CRACR2A: variants seen among roughly 807,000 people sequenced by gnomAD.
The protein encoded by CRACR2A is EF-hand calcium-binding domain-containing protein 4B.
In CRACR2A, 79 loss-of-function variants were observed where a neutral mutation model predicts 90.5. The observed-to-expected ratio is 0.87, with a 90% CI of 0.73 to 1.05. The LOEUF is 1.05. Among genes scored for constraint, CRACR2A ranks in the 50% least tolerant of loss-of-function variants. CRACR2A has a pLI of 0.00. For missense variants in CRACR2A, 823 were observed against 897.2 expected (o/e 0.92, Z 1.06); for synonymous variants, 338 against 356.7 (o/e 0.95, Z 0.59).
intron 4 of CRACR2A, among the ~76,000 whole-genome samples, chr12:3,696,033 C>T (rs1945734036): frequency 6.6e-6 from 1 of 152,212 alleles, no homozygotes; most frequent in African/African-American, 2.4e-5. Context: ...AAAAGAATAA[C>T]AGTACTTGGT....
At chr12:3,624,772 G>A (rs1944223911) in intron 17 of CRACR2A, among the ~76,000 whole-genome samples, 1 of 152,216 alleles carries the variant, frequency 6.6e-6, no homozygotes. Context: ...ATGAGAACTT[G>A]CTAGAAACAC....
intron 7 of CRACR2A, among the ~76,000 whole-genome samples, chr12:3,670,662 C>T (rs1321736973): frequency 1.3e-5 from 2 of 152,152 alleles, no homozygotes; most frequent in Non-Finnish European, 2.9e-5. Flanking sequence ...TAGTAGAAAA[C>T]ATCCGATGTT....
intron 8 of CRACR2A, among the ~76,000 whole-genome samples, chr12:3,657,866 C>T (rs900721989): frequency 6.6e-6 from 1 of 152,102 alleles, no homozygotes; most frequent in African/African-American, 2.4e-5. Flanking sequence ...TTGGAAGGTG[C>T]AAGTGATTAG....
intron 2 of CRACR2A, among the ~76,000 whole-genome samples, chr12:3,725,744 T>C (rs965428591): frequency 9.2e-5 from 14 of 152,226 alleles, no homozygotes; most frequent in South Asian, 4.1e-4. Context: ...CACATGATCC[T>C]GGATGGGAAA....
chr12:3,636,305 C>T (rs1359891635), intron 14 of CRACR2A, among the ~76,000 whole-genome samples: 3 of 152,236 alleles, frequency 2.0e-5, no homozygotes, highest in Non-Finnish European at 2.9e-5. Context: ...TTCAAACGAG[C>T]GTACCTTCTC....
intron 1 of CRACR2A, among the ~76,000 whole-genome samples, chr12:3,736,889 T>G: frequency 6.6e-6 from 1 of 152,140 alleles, no homozygotes. Flanking sequence ...GTAATAGCAG[T>G]CCCAGTGGAG....
At chr12:3,663,371 T>C (rs992059792) in intron 7 of CRACR2A, among the ~76,000 whole-genome samples, 2 of 152,156 alleles carry the variant, frequency 1.3e-5, no homozygotes, top group Admixed American at 1.3e-4. Context: ...TTACCCAGAC[T>C]AGGTTAGAAT....
At chr12:3,716,260 C>T (rs1161753114) in intron 2 of CRACR2A, among the ~76,000 whole-genome samples, 4 of 152,158 alleles carry the variant, frequency 2.6e-5, no homozygotes, top group African/African-American at 9.7e-5. Flanking sequence ...CCACTTCCAC[C>T]TCTTGGTTTG....
At chr12:3,679,679 T>C (rs1945411156) in intron 5 of CRACR2A, among the ~76,000 whole-genome samples, 2 of 152,242 alleles carry the variant, frequency 1.3e-5, no homozygotes, top group South Asian at 4.1e-4. Context: ...AAGGCAGATA[T>C]ATGGCTTTTG....
Position 3,705,889 on chromosome 12 carries a change from C to T in CRACR2A, c.-37+7348G>A, listed in dbSNP as rs141596632. ...TTTCTGGGTTGGTGTAGGGGGCATC[C>T]CTAATTTGTAGCATCTGCCTATCTC... is the stretch of plus-strand genomic sequence containing the variant. On this transcript the variant is annotated intron_variant, in intron 3 of 19. Transcript: ENST00000440314. 4.1e-3 allele frequency among the ~76,000 whole-genome samples: 621 copies of T among 152,090 alleles called. 3 individuals are homozygous for T. The highest frequency in any genetic ancestry group is 0.034 in the Middle Eastern group (10 of 294).
chr12:3,695,775 G>A (rs1945729209), intron 4 of CRACR2A, among the ~76,000 whole-genome samples: 2 of 152,222 alleles, frequency 1.3e-5, no homozygotes, highest in South Asian at 4.1e-4. Flanking sequence ...AGACTCAGGG[G>A]AAAAGAGCTG....
At chr12:3,618,315 C>T (rs1172584608) in intron 18 of CRACR2A, among the ~76,000 whole-genome samples, 1 of 152,112 alleles carries the variant, frequency 6.6e-6, no homozygotes, top group African/African-American at 2.4e-5. Context: ...TCAGACAGCA[C>T]TCTATAATCA....
chr12:3,728,874 A>G (rs942295061), intron 2 of CRACR2A: 1 of 152,188 alleles, frequency 6.6e-6, no homozygotes, highest in African/African-American at 2.4e-5. Flanking sequence ...ACCTTAGCTC[A>G]TAGCCACCAC....
chr12:3,615,473 A>T, intron 19 of CRACR2A, 34 bp from the exon 20 acceptor site: 7 of 1,522,116 alleles, frequency 4.6e-6, no homozygotes, highest in Non-Finnish European at 6.2e-6. Context: ...TCAGTGATGG[A>T]GAAGTTGATA....
At chr12:3,693,899 C>T (rs546477214) in intron 4 of CRACR2A, among the ~76,000 whole-genome samples, 1 of 152,288 alleles carries the variant, frequency 6.6e-6, no homozygotes, top group East Asian at 1.9e-4. Context: ...TGGCGTGGCG[C>T]CTCTACTTCT....
chr12:3,724,489 C>T (rs1245392377), intron 2 of CRACR2A, among the ~76,000 whole-genome samples: 1 of 152,230 alleles, frequency 6.6e-6, no homozygotes, highest in East Asian at 1.9e-4. Context: ...ATTAACTAAG[C>T]ACAGCTGGCA....
chr12:3,684,876 T>C (rs1375984912), intron 4 of CRACR2A, among the ~76,000 whole-genome samples: 2 of 152,254 alleles, frequency 1.3e-5, no homozygotes, highest in Non-Finnish European at 2.9e-5. Context: ...AAGAAAGAAT[T>C]AAGCTGCTGA....
intron 19 of CRACR2A, 88 bp from the exon 20 acceptor site, chr12:3,615,527 G>A: frequency 8.9e-7 from 1 of 1,128,132 alleles, no homozygotes; most frequent in South Asian, 1.5e-5. Flanking sequence ...TCAGGTTACA[G>A]GTCATCTGGG....
chr12:3,687,414 C>T (rs1196630332), intron 4 of CRACR2A, among the ~76,000 whole-genome samples: 3 of 152,078 alleles, frequency 2.0e-5, no homozygotes, highest in Non-Finnish European at 1.5e-5. Context: ...TGTTCTCATC[C>T]TTTAGCTCCC....
Sources: gnomAD v4.1 joint callset for allele counts (sites outside exome capture counted in the v4.1 genomes callset) on GRCh38, gnomAD v4.1.1 for gene constraint, MANE v1.5 for transcripts, NCBI Gene and HGNC (gene_info 2026-07-23, HGNC 2026-07-21) for gene names.